The following TMEM131 variants were observed in gnomAD, a reference collection of about 807,000 sequenced individuals.
The protein encoded by TMEM131 is transmembrane protein 131, also known as 2610524E03Rik.
A neutral mutation model predicts 211.6 loss-of-function variants in TMEM131; 66 were observed. That is an observed-to-expected ratio of 0.31 (90% CI 0.26 to 0.38). TMEM131 has a LOEUF of 0.38. Among genes scored for constraint, TMEM131 ranks in the 10% least tolerant of loss-of-function variants. The pLI, the probability that TMEM131 is intolerant of heterozygous loss-of-function variation, is 1.00. For missense variants in TMEM131, 2,036 were observed against 2,299.3 expected, an observed-to-expected ratio of 0.89 and a Z score of 2.34; for synonymous variants, 844 against 841.3, an observed-to-expected ratio of 1.00 and a Z score of -0.06.
Position 97,812,537 on chromosome 2 carries a change from G to T in TMEM131, c.1747C>A (p.His583Asn), listed in dbSNP as rs761683017. 10 of 1,604,712 alleles carry T rather than the reference G, an allele frequency of 6.2e-6. No individual in the cohort carries two copies. The South Asian group carries it at 1.1e-4, about 18-fold the overall frequency. ...ATTGATAAACCGTCTCCTATGATAT[G>T]CCAACTTTTTATAGCCAACTTTAAA... ...NPIELAIKSW[H>N]IIGDGLSIEL... is the part of the protein sequence containing the mutation. Residue 583 changes from histidine to asparagine, a missense_variant, in exon 17 of 41, where the codon CAT becomes AAT. Transcript: ENST00000186436.
At chr2:97,948,347 A>T (rs915237862) in intron 1 of TMEM131, among the ~76,000 whole-genome samples, 11 of 152,224 alleles carry the variant, frequency 7.2e-5, no homozygotes, top group African/African-American at 2.2e-4. Flanking sequence ...GTTACAACTA[A>T]ATAAGAAAAC....
At chr2:97,813,829 G>A (rs185624734) in intron 15 of TMEM131, 142 bp downstream of exon 15, 5 of 656,066 alleles carry the variant, frequency 7.6e-6, no homozygotes, top group Non-Finnish European at 1.2e-5. Context: ...TACCTGGAAA[G>A]GTAAAAACTG....
At chr2:97,869,189 T>G (rs1674392715) in intron 4 of TMEM131, among the ~76,000 whole-genome samples, 1 of 152,236 alleles carries the variant, frequency 6.6e-6, no homozygotes, top group African/African-American at 2.4e-5. Flanking sequence ...CTTCTCAATG[T>G]TTTTCCTTGT....
rs1677986152 is a variant in TMEM131 at position 97,945,389 on chromosome 2, A to ACC, written c.188-17903_188-17902insGG. Among the ~76,000 whole-genome samples, 5 of 152,168 alleles carry ACC rather than the reference A, an allele frequency of 3.3e-5. 1 individual carries two copies. In the South Asian group the frequency reaches 1.0e-3, roughly 32 times the overall value. On this transcript the variant is annotated intron_variant, in intron 1 of 40. Coordinates refer to ENST00000186436, the MANE Select transcript of TMEM131 (RefSeq NM_015348.2). ...ATGAGACAGTTGTGATGGTTGTACA[A>ACC]GTCTATGAGTATACTTCAAAAACCC...
At position 97,814,296 on chromosome 2, in the gene TMEM131, A is replaced by G. The variant is rs1228540736; in HGVS notation, c.1385T>C (p.Phe462Ser). Residue 462 changes from phenylalanine to serine, a missense_variant, in exon 14 of 41, where the codon TTC (phenylalanine) becomes TCC (serine). Physicochemically the swap from Phe to Ser is radical, Grantham distance 155. Transcript: ENST00000186436. ...ATCGTGAATGAGGATCGCAAAACTG[A>G]AAGTGTTAGTAAGGTAAATTGGCCT... ...VERPIYLTNTFSFAILIHDVL... is the reference protein window; with the variant it reads ...VERPIYLTNTSSFAILIHDVL... 1.2e-6 allele frequency: 2 copies of G among 1,613,954 alleles called. No homozygotes were observed. Among genetic ancestry groups the G allele is most frequent in the Non-Finnish European group, 1.7e-6 (2 of 1,179,870 alleles).
chr2:97,967,020 T>C (rs1679088980), intron 1 of TMEM131, among the ~76,000 whole-genome samples: 1 of 146,448 alleles, frequency 6.8e-6, no homozygotes, highest in Admixed American at 6.8e-5. Flanking sequence ...GCCCACCACC[T>C]AAAACAAACA....
At chr2:97,902,978 T>C (rs997425076) in intron 3 of TMEM131, among the ~76,000 whole-genome samples, 2 of 152,186 alleles carry the variant, frequency 1.3e-5, no homozygotes, top group Non-Finnish European at 2.9e-5. Context: ...TTGTGGGACC[T>C]TGTGATCGTG....
Position 97,797,372 on chromosome 2 carries a change from T to A in TMEM131, c.2863A>T (p.Ile955Leu). The part of the protein sequence containing the change: ...VHNRTVSSLI[I>L]VRNNLTVMDA... ...CTATATCACAGAACCTACCTGACTA[T>A]GATAAGTGAAGAAACAGTTCTGTTG... The change falls in exon 26 of 41, where the codon ATA becomes TTA. Residue 955 changes from isoleucine to leucine, a missense_variant. By Grantham distance (5) the Ile-to-Leu change is conservative. Coordinates refer to ENST00000186436, the MANE Select transcript of TMEM131 (RefSeq NM_015348.2). The A allele has an allele frequency of 6.2e-7, 1 of 1,604,814 alleles. No homozygotes were observed. Among genetic ancestry groups the A allele is most frequent in the Non-Finnish European group, 8.5e-7 (1 of 1,176,942 alleles).
At chr2:97,883,022 A>G (rs1411975159) in intron 4 of TMEM131, among the ~76,000 whole-genome samples, 1 of 152,088 alleles carries the variant, frequency 6.6e-6, no homozygotes, top group Non-Finnish European at 1.5e-5. Flanking sequence ...TCTGGTGTGG[A>G]GCCTTCTTTC....
In TMEM131 at chr2:97,805,451, T is replaced by A; in HGVS notation, c.2209A>T (p.Ile737Phe). The A allele has an allele frequency of 6.2e-7, 1 of 1,613,908 alleles. No homozygotes were observed. The highest frequency in any genetic ancestry group is 8.5e-7 in the Non-Finnish European group (1 of 1,179,848). Residue 737 changes from isoleucine to phenylalanine, a missense_variant and splice_region_variant, in exon 21 of 41, where the codon ATT becomes TTT. Coordinates refer to ENST00000186436, the MANE Select transcript of TMEM131 (RefSeq NM_015348.2). ...CCAGGATCAAAATAAATGTTTGCAA[T>A]CTATAAAGAGGCACAGGAGAACCAT... Reference protein sequence around the residue: ...EDLEPGKKSKIANIYFDPGLQ... With the variant: ...EDLEPGKKSKFANIYFDPGLQ...
chr2:97,928,736 T>C (rs1177959400), intron 1 of TMEM131, among the ~76,000 whole-genome samples: 1 of 151,766 alleles, frequency 6.6e-6, no homozygotes, highest in Non-Finnish European at 1.5e-5. Context: ...ACTATACATG[T>C]ACACTGAAAT....
chr2:97,847,748 A>C (rs1312464671), intron 5 of TMEM131, among the ~76,000 whole-genome samples: 1 of 152,220 alleles, frequency 6.6e-6, no homozygotes. Flanking sequence ...TCTTTAGTTA[A>C]TGGTATCGTA....
At chr2:97,953,811 C>CTA (rs1678437086) in intron 1 of TMEM131, among the ~76,000 whole-genome samples, 1 of 152,172 alleles carries the variant, frequency 6.6e-6, no homozygotes, top group Admixed American at 6.5e-5. Flanking sequence ...CATTTTCCAA[C>CTA]TATAATGCTG....
intron 4 of TMEM131, among the ~76,000 whole-genome samples, chr2:97,886,600 G>T (rs1675169574): frequency 6.6e-6 from 1 of 152,154 alleles, no homozygotes; most frequent in African/African-American, 2.4e-5. Flanking sequence ...TGGTGGTAGT[G>T]GTGCAGCTTT....
At chr2:97,779,732 C>T (rs1679907784) in intron 31 of TMEM131, among the ~76,000 whole-genome samples, 2 of 152,164 alleles carry the variant, frequency 1.3e-5, no homozygotes, top group African/African-American at 2.4e-5. Flanking sequence ...TTAGGAATCC[C>T]AGGGCTGGGC....
chr2:97,844,304 T>G, intron 5 of TMEM131, 43 bp from the exon 6 acceptor site: 2 of 661,038 alleles, frequency 3.0e-6, no homozygotes. Context: ...AGAAAAAAAA[T>G]TATACAGCTC....
chr2:97,833,341 G>T, intron 11 of TMEM131, 24 bp downstream of exon 11: 1 of 1,042,964 alleles, frequency 9.6e-7, no homozygotes, highest in Non-Finnish European at 1.4e-6. Flanking sequence ...TATAAATTAG[G>T]GGAAAAAAGA....
Position 97,812,729 on chromosome 2 carries a change from T to G in TMEM131, c.1638A>C (p.Lys546Asn). ...GFLDYFVLPP[K>N]IEERFIDFGV... ...CAAAATCTATGAAACGTTCCTCTAT[T>G]TTGGGGGGCAATACAAAGTACTGGA... is the stretch of plus-strand genomic sequence containing the variant. Residue 546 changes from lysine (K) to asparagine (N), a missense_variant, in exon 16 of 41, where the codon AAA (lysine) becomes AAC (asparagine). Lys to Asn is a moderately conservative substitution (Grantham distance 94). This residue lies in a region of TMEM131 where 1,623 missense variants were observed against 1,805.9 expected (regional missense o/e 0.90). Transcript: ENST00000186436. 6.3e-7 allele frequency: 1 copy of G among 1,585,536 alleles called. No homozygotes were observed. Among genetic ancestry groups the G allele is most frequent in the Non-Finnish European group, 8.5e-7 (1 of 1,170,530 alleles).
At chr2:97,984,245 CTCA>C (rs1403413823) in intron 1 of TMEM131, among the ~76,000 whole-genome samples, 3 of 152,088 alleles carry the variant, frequency 2.0e-5, no homozygotes, top group African/African-American at 7.2e-5. Context: ...CTAGTCATTC[CTCA>C]TAACTTTTCC....
Sources: allele counts gnomAD v4.1 joint callset (sites outside exome capture counted in the v4.1 genomes callset), GRCh38; gene constraint gnomAD v4.1.1; regional missense constraint gnomAD v4.1.1; transcripts MANE v1.5; gene names NCBI Gene and HGNC (gene_info 2026-07-23, HGNC 2026-07-21).